The following ANKRD36B variants were observed in gnomAD, a reference collection of about 807,000 sequenced individuals.
The protein encoded by ANKRD36B is ankyrin repeat domain 36B, also known as ankyrin repeat domain-containing protein 36B.
In ANKRD36B, 37 loss-of-function variants were observed where a neutral mutation model predicts 135.7. The observed-to-expected ratio is 0.27, with a 90% CI of 0.21 to 0.36. ANKRD36B has a LOEUF of 0.36. Among genes scored for constraint, ANKRD36B ranks in the 10% least tolerant of loss-of-function variants. ANKRD36B has a pLI of 1.00. For missense variants in ANKRD36B, 549 were observed against 1,037.1 expected, an observed-to-expected ratio of 0.53 and a Z score of 6.46; for synonymous variants, 179 against 348.1, an observed-to-expected ratio of 0.51 and a Z score of 5.41.
chr2:97,556,867 T>A, intron 12 of ANKRD36B, 70 bp downstream of exon 12: 1 of 1,530,512 alleles, frequency 6.5e-7, no homozygotes, highest in Non-Finnish European at 8.8e-7. Context: ...ACCCCACTGA[T>A]CTATTCAGGG....
intron 3 of ANKRD36B, among the ~76,000 whole-genome samples, chr2:97,582,336 T>A (rs2082685492): frequency 6.6e-6 from 1 of 151,806 alleles, no homozygotes; most frequent in Non-Finnish European, 1.5e-5. Flanking sequence ...ACTCTACATT[T>A]AAATAAATAT....
intron 8 of ANKRD36B, among the ~76,000 whole-genome samples, chr2:97,560,457 T>C (rs2080918010): frequency 6.6e-6 from 1 of 151,870 alleles, no homozygotes; most frequent in East Asian, 1.9e-4. Context: ...CCAATTTCAA[T>C]GTAAGGAAGC....
rs2080409165 is a variant in ANKRD36B at position 97,555,237 on chromosome 2, G to C, written c.1087C>G (p.Pro363Ala). The change falls in exon 13 of 44, where the codon CCA becomes GCA. Residue 363 changes from proline to alanine, a missense_variant. Coordinates refer to ENST00000359901, the MANE Select transcript of ANKRD36B (RefSeq NM_001393939.1). Reference protein sequence around the residue: ...KSGTVSSQKQPASKTASDKTD... With the variant: ...KSGTVSSQKQAASKTASDKTD... ...GAGAATTTAATTACCTTTGAGGCTGGTTGTTTCTGAGAAGACACTGAAAAG... is the reference window on the plus strand; with the variant it reads ...GAGAATTTAATTACCTTTGAGGCTGCTTGTTTCTGAGAAGACACTGAAAAG... The C allele has an allele frequency of 6.2e-7, 1 of 1,611,066 alleles. No individual in the cohort carries two copies. Among genetic ancestry groups the C allele is most frequent in the African/African-American group, 1.3e-5 (1 of 74,682 alleles).
In ANKRD36B at chr2:97,559,953, TAAGTA is replaced by T. The variant is rs1420092768; in HGVS notation, c.865+707_865+711del. On this transcript the variant is annotated intron_variant, in intron 8 of 43. Coordinates refer to ENST00000359901, the MANE Select transcript of ANKRD36B (RefSeq NM_001393939.1). ...CATATGCAAGTTTATCTCATTTTTA[TAAGTA>T]AAGTCAACAAAACATGTATCTCTGA... Among the ~76,000 whole-genome samples, 4 of 152,020 alleles carry T rather than the reference TAAGTA, an allele frequency of 2.6e-5. No individual in the cohort carries two copies. In the East Asian group the frequency reaches 7.8e-4, roughly 30 times the overall value.
At chr2:97,566,211 C>T (rs1247765143) in intron 6 of ANKRD36B, among the ~76,000 whole-genome samples, 4 of 151,910 alleles carry the variant, frequency 2.6e-5, no homozygotes, top group Admixed American at 2.6e-4. Flanking sequence ...ATCCCAGCTA[C>T]TCGGGAGGCT....
chr2:97,571,859 G>A (rs1023587127), intron 6 of ANKRD36B, among the ~76,000 whole-genome samples: 2 of 152,032 alleles, frequency 1.3e-5, no homozygotes, highest in Non-Finnish European at 2.9e-5. Context: ...GTTCTTCATA[G>A]AACAGGTCAA....
chr2:97,557,197 T>C (rs2080610244), intron 10 of ANKRD36B, 65 bp from the exon 11 acceptor site: 22 of 1,496,504 alleles, frequency 1.5e-5, no homozygotes, highest in Non-Finnish European at 1.9e-5. Context: ...CATACATTCA[T>C]GCAGTGTTAG....
intron 8 of ANKRD36B, among the ~76,000 whole-genome samples, chr2:97,559,841 G>C (rs1410071190): frequency 6.6e-6 from 1 of 151,814 alleles, no homozygotes; most frequent in African/African-American, 2.4e-5. Context: ...AGCCTTGCTG[G>C]GAGTATCATG....
At chr2:97,546,812 T>C (rs2079511161) in intron 22 of ANKRD36B, among the ~76,000 whole-genome samples, 1 of 151,700 alleles carries the variant, frequency 6.6e-6, no homozygotes, top group East Asian at 1.9e-4. Flanking sequence ...TTTATTCATA[T>C]TCAAGATTAT....
chr2:97,560,840 C>T lies in ANKRD36B; in HGVS notation c.784G>A (p.Ala262Thr), dbSNP rs995023011. Reference sequence around the variant, plus strand: ...AATGAGACTTTAATTACCTTCTCAGCTCGTTGTTTCTGAGGAGACACTGAA... The same window carrying T: ...AATGAGACTTTAATTACCTTCTCAGTTCGTTGTTTCTGAGGAGACACTGAA... ...SNPVSPQKQRAEKATSDDKDS... is the reference protein window; with the variant it reads ...SNPVSPQKQRTEKATSDDKDS... Residue 262 changes from alanine (A) to threonine (T), a missense_variant, in exon 7 of 44, where the codon GCT becomes ACT. Coordinates refer to ENST00000359901, the MANE Select transcript of ANKRD36B (RefSeq NM_001393939.1). 3.2e-6 allele frequency: 5 copies of T among 1,568,020 alleles called. No homozygotes were observed. In the African/African-American group the frequency reaches 6.8e-5, roughly 21 times the overall value.
chr2:97,540,015 ATG>A lies in ANKRD36B; in HGVS notation c.1987+17_1987+18del, dbSNP rs752862930. 5 of 898,398 alleles carry A rather than the reference ATG, an allele frequency of 5.6e-6. 1 individual carries two copies. In the African/African-American group the frequency reaches 8.7e-5, roughly 16 times the overall value. The allele number at this position is 898,398 out of a possible 1,614,324, so 55.7% of individuals were successfully genotyped here. On this transcript the variant is annotated intron_variant, in intron 30 of 43. Coordinates refer to ENST00000359901, the MANE Select transcript of ANKRD36B (RefSeq NM_001393939.1). ...CTATCTGGACTGAACATGACATTAA[ATG>A]TGTTTTGTAAAATTACCTGTCCCAG...
chr2:97,554,051 T>A (rs137995603), intron 14 of ANKRD36B, among the ~76,000 whole-genome samples: 8 of 151,972 alleles, frequency 5.3e-5, no homozygotes, highest in Non-Finnish European at 8.8e-5. Context: ...AAGTATAATA[T>A]ATAAACCTCA....
In ANKRD36B at chr2:97,496,333, G is replaced by C. The variant is rs538671133; in HGVS notation, c.*7-3478C>G. ...GGTTGGTTCATGAGGTTTAAGAAAA[G>C]AATCTTCATAACATAAAAGTGCAAG... On this transcript the variant is annotated intron_variant, in intron 43 of 43. Transcript: ENST00000359901. 3.2e-5 allele frequency among the ~76,000 whole-genome samples: 3 copies of C among 95,148 alleles called. 1 individual carries two copies. Among genetic ancestry groups the C allele is most frequent in the Non-Finnish European group, 9.2e-5 (3 of 32,542 alleles). 62.4% of individuals were successfully genotyped at this position (95,148 alleles called of 152,430 possible).
intron 8 of ANKRD36B, 55 bp downstream of exon 8, chr2:97,560,610 G>A (rs1450543451): frequency 1.1e-5 from 18 of 1,592,380 alleles, no homozygotes; most frequent in Non-Finnish European, 1.5e-5. Context: ...TTGGGGAAGG[G>A]AATTTCTCTT....
At chr2:97,533,380 A>G (rs2078700363) in intron 34 of ANKRD36B, among the ~76,000 whole-genome samples, 1 of 97,364 alleles carries the variant, frequency 1.0e-5, no homozygotes, top group South Asian at 2.3e-4. Flanking sequence ...GATCCTTATA[A>G]AGAATAGCAA....
chr2:97,554,953 A>G, intron 14 of ANKRD36B, 107 bp downstream of exon 14: 1 of 1,387,450 alleles, frequency 7.2e-7, no homozygotes, highest in Admixed American at 2.0e-5. Flanking sequence ...TGGCCTGCTG[A>G]ATCAGAATGT....
Position 97,528,079 on chromosome 2 carries a change from C to A in ANKRD36B, c.2265+4232G>T, listed in dbSNP as rs551292595. Among the ~76,000 whole-genome samples, 10 of 95,726 alleles carry A rather than the reference C, an allele frequency of 1.0e-4. 3 individuals are homozygous for A. Among genetic ancestry groups the A allele is most frequent in the African/African-American group, 3.1e-4 (10 of 31,780 alleles). The allele number at this position is 95,726 out of a possible 152,430, so 62.8% of individuals were successfully genotyped here. A position where few individuals can be genotyped will look rare whatever the true frequency, so the allele number is the denominator to read the frequency against. On this transcript the variant is annotated intron_variant, in intron 35 of 43. Coordinates refer to ENST00000359901, the MANE Select transcript of ANKRD36B (RefSeq NM_001393939.1). ...TAATAGACATCTACAGAACTCTCCA[C>A]CCCAAATCAACAGAATATACATTTT...
Position 97,574,377 on chromosome 2 carries a change from C to A in ANKRD36B, c.763+2002G>T, listed in dbSNP as rs1166658609. On this transcript the variant is annotated intron_variant, in intron 6 of 43. Coordinates refer to ENST00000359901, the MANE Select transcript of ANKRD36B (RefSeq NM_001393939.1). ...CCAGTTAGAATGGCAATCATTAAAACGTCAGGAAACAACAGGTGCTGGAGA... is the reference window on the plus strand; with the variant it reads ...CCAGTTAGAATGGCAATCATTAAAAAGTCAGGAAACAACAGGTGCTGGAGA... Among the ~76,000 whole-genome samples the A allele has an allele frequency of 7.2e-5, 11 of 152,160 alleles. No individual in the cohort carries two copies. In the East Asian group the frequency reaches 1.4e-3, roughly 19 times the overall value.
chr2:97,554,731 T>C (rs1011322845), intron 14 of ANKRD36B, among the ~76,000 whole-genome samples: 2 of 151,968 alleles, frequency 1.3e-5, no homozygotes, highest in African/African-American at 2.4e-5. Context: ...AATCTATACT[T>C]CAACTCATTC....
Sources: gnomAD v4.1 joint callset for allele counts (sites outside exome capture counted in the v4.1 genomes callset) on GRCh38, gnomAD v4.1.1 for gene constraint, MANE v1.5 for transcripts, NCBI Gene and HGNC (gene_info 2026-07-23, HGNC 2026-07-21) for gene names.